The following PDZD2 variants were observed in gnomAD, a reference collection of about 807,000 sequenced individuals.
PDZD2 encodes PDZ domain-containing protein 2.
Under a neutral mutation model 220.7 loss-of-function variants are expected in PDZD2, and 90 were observed. The observed-to-expected ratio is 0.41, with a 90% CI of 0.34 to 0.49. PDZD2 has a LOEUF of 0.49. Ranked by LOEUF, PDZD2 falls within the 20% of genes least tolerant of loss-of-function variation. PDZD2 has a pLI of 0.28. For missense variants in PDZD2, 3,174 were observed against 3,608.5 expected, an observed-to-expected ratio of 0.88 and a Z score of 3.08; for synonymous variants, 1,375 against 1,450.5, an observed-to-expected ratio of 0.95 and a Z score of 1.18.
At position 32,014,939 on chromosome 5, in the gene PDZD2, C is replaced by CTT. The variant is rs746683258; in HGVS notation, c.1407+4476_1407+4477dup. Among the ~76,000 whole-genome samples the CTT allele has an allele frequency of 2.4e-3, 225 of 93,998 alleles. 9 individuals are homozygous for CTT. Among genetic ancestry groups the CTT allele is most frequent in the Middle Eastern group, 7.6e-3 (1 of 132 alleles). The allele number at this position is 93,998 out of a possible 152,430, so 61.7% of individuals were successfully genotyped here. A position where few individuals can be genotyped will look rare whatever the true frequency, so the allele number is the denominator to read the frequency against. On this transcript the variant is annotated intron_variant, in intron 6 of 24. Transcript: ENST00000438447. ...TGGCCAGGATAGTCTCAATCTCTCT[C>CTT]TTTTTTTTTTTTTTTTTTTTGAGAC...
At chr5:32,107,225 G>A (rs1414094284) in intron 24 of PDZD2, 1 of 151,984 alleles carries the variant, frequency 6.6e-6, no homozygotes, top group African/African-American at 2.4e-5. Context: ...CTCATACAAA[G>A]CTAGACAAAG....
At chr5:31,770,546 G>A (rs1314240152) in intron 1 of PDZD2, among the ~76,000 whole-genome samples, 4 of 152,154 alleles carry the variant, frequency 2.6e-5, no homozygotes, top group Non-Finnish European at 5.9e-5. Flanking sequence ...AGTGGGGTCA[G>A]GAATTATTAA....
chr5:31,839,833 A>G (rs1757160020), intron 2 of PDZD2, among the ~76,000 whole-genome samples: 1 of 152,100 alleles, frequency 6.6e-6, no homozygotes, highest in Non-Finnish European at 1.5e-5. Context: ...TTCTCACAAG[A>G]TCTGATGGTT....
At chr5:31,914,746 T>G (rs1743531080) in intron 2 of PDZD2, among the ~76,000 whole-genome samples, 1 of 152,194 alleles carries the variant, frequency 6.6e-6, no homozygotes, top group East Asian at 1.9e-4. Context: ...AAAGACTGTT[T>G]TTGTTCCAGG....
intron 2 of PDZD2, among the ~76,000 whole-genome samples, chr5:31,821,412 C>T (rs1204925807): frequency 2.7e-5 from 4 of 149,412 alleles, no homozygotes; most frequent in Non-Finnish European, 5.9e-5. Context: ...GATGGAGTCT[C>T]ACTCTGTCGC....
chr5:31,933,856 G>T (rs1254084679), intron 2 of PDZD2, among the ~76,000 whole-genome samples: 1 of 152,174 alleles, frequency 6.6e-6, no homozygotes, highest in Non-Finnish European at 1.5e-5. Context: ...AACCAAGGTG[G>T]ACACGAAGAA....
At chr5:31,968,918 A>G (rs1025588398) in intron 2 of PDZD2, among the ~76,000 whole-genome samples, 13 of 152,174 alleles carry the variant, frequency 8.5e-5, no homozygotes, top group Non-Finnish European at 1.9e-4. Flanking sequence ...GTCATATACT[A>G]TTACTTTAGC....
intron 14 of PDZD2, among the ~76,000 whole-genome samples, chr5:32,066,501 G>T (rs1740227010): frequency 6.6e-6 from 1 of 152,014 alleles, no homozygotes; most frequent in South Asian, 2.1e-4. Context: ...TTCACTGCTG[G>T]CTCTCTTTGC....
At chr5:31,662,838 G>C (rs567796126) in intron 1 of PDZD2, among the ~76,000 whole-genome samples, 1 of 152,158 alleles carries the variant, frequency 6.6e-6, no homozygotes, top group Non-Finnish European at 1.5e-5. Flanking sequence ...CACCGTGTTA[G>C]CCAGGATGGT....
intron 2 of PDZD2, among the ~76,000 whole-genome samples, chr5:31,876,545 G>A (rs1215137718): frequency 5.9e-5 from 9 of 152,030 alleles, no homozygotes; most frequent in African/African-American, 1.4e-4. Flanking sequence ...CACCCACCTC[G>A]GCTTCCCCAG....
intron 1 of PDZD2, among the ~76,000 whole-genome samples, chr5:31,721,043 T>C (rs921677070): frequency 2.0e-5 from 3 of 152,124 alleles, no homozygotes; most frequent in African/African-American, 7.2e-5. Context: ...GTGCGCTGCT[T>C]CCTATGCTTT....
chr5:31,895,257 T>C (rs1404966499), intron 2 of PDZD2, among the ~76,000 whole-genome samples: 5 of 152,142 alleles, frequency 3.3e-5, no homozygotes. Flanking sequence ...TTTGTTGAAA[T>C]CCTAACCCTG....
At chr5:31,856,712 A>G (rs1437115667) in intron 2 of PDZD2, among the ~76,000 whole-genome samples, 1 of 152,034 alleles carries the variant, frequency 6.6e-6, no homozygotes, top group Non-Finnish European at 1.5e-5. Context: ...GAGAATGGTG[A>G]GTCCATTGCA....
intron 1 of PDZD2, chr5:31,738,210 A>C (rs1750023203): frequency 1.3e-5 from 2 of 152,140 alleles, no homozygotes; most frequent in African/African-American, 4.8e-5. Flanking sequence ...AGACTTTCTC[A>C]CAACTGCCCA....
Position 32,074,472 on chromosome 5 carries a change from C to T in PDZD2, c.3366C>T (p.Ala1122=), listed in dbSNP as rs144171238. The T allele has an allele frequency of 1.2e-4, 196 of 1,613,982 alleles. No individual in the cohort carries two copies. The highest frequency in any genetic ancestry group is 1.6e-4 in the Non-Finnish European group (187 of 1,179,930). Residue 1122 remains alanine, a synonymous_variant, in exon 18 of 25, where the codon GCC becomes GCT. Coordinates refer to ENST00000438447, the MANE Select transcript of PDZD2 (RefSeq NM_178140.4). ...EGLGSRHRPV[A]RVSPHCKRSE... The stretch of plus-strand genomic sequence containing the variant: ...TGGGCTCCAGGCACAGACCAGTGGC[C>T]AGGGTAAGCCCCCACTGCAAGAGAT...
intron 18 of PDZD2, among the ~76,000 whole-genome samples, chr5:32,075,880 G>A (rs142172185): frequency 2.6e-5 from 4 of 151,884 alleles, no homozygotes; most frequent in African/African-American, 7.2e-5. Flanking sequence ...CCTTATTTTT[G>A]TTTTAATAGA....
chr5:32,047,748 T>C (rs1738118394), intron 7 of PDZD2, among the ~76,000 whole-genome samples: 1 of 152,148 alleles, frequency 6.6e-6, no homozygotes, highest in Non-Finnish European at 1.5e-5. Flanking sequence ...TTGTGGTATG[T>C]TTAGACAACA....
At chr5:31,849,393 A>G (rs1416793109) in intron 2 of PDZD2, among the ~76,000 whole-genome samples, 1 of 152,114 alleles carries the variant, frequency 6.6e-6, no homozygotes. Context: ...CAAAAAAATG[A>G]GATAATCTAA....
chr5:32,095,319 C>T (rs1743562280), intron 21 of PDZD2, among the ~76,000 whole-genome samples: 1 of 152,212 alleles, frequency 6.6e-6, no homozygotes, highest in South Asian at 2.1e-4. Context: ...TTTATTTTCT[C>T]ACTGTCTTCA....
Sources: allele counts gnomAD v4.1 joint callset (sites outside exome capture counted in the v4.1 genomes callset), GRCh38; gene constraint gnomAD v4.1.1; transcripts MANE v1.5; gene names NCBI Gene and HGNC (gene_info 2026-07-23, HGNC 2026-07-21).